Variants in MAN1C1 observed in about 807,000 individuals in gnomAD.
The protein encoded by MAN1C1 is mannosyl-oligosaccharide 1,2-alpha-mannosidase IC.
A neutral mutation model predicts 71.5 loss-of-function variants in MAN1C1; 49 were observed. That is an observed-to-expected ratio of 0.69 (90% CI 0.54 to 0.87). The LOEUF (loss-of-function observed/expected upper bound fraction) is 0.87, where lower values mean the gene tolerates loss of function less well. MAN1C1 is among the 40% of genes least tolerant of loss of function. MAN1C1 has a pLI of 0.00. For missense variants in MAN1C1, 743 were observed against 835.0 expected (o/e 0.89, Z 1.36); for synonymous variants, 352 against 343.7 (o/e 1.02, Z -0.27).
At chr1:25,727,116 A>G (rs1032743366) in intron 2 of MAN1C1, among the ~76,000 whole-genome samples, 1 of 152,176 alleles carries the variant, frequency 6.6e-6, no homozygotes, top group African/African-American at 2.4e-5. Flanking sequence ...TTAGACACAT[A>G]ACCATGATGA....
intron 1 of MAN1C1, among the ~76,000 whole-genome samples, chr1:25,664,646 G>A (rs527996888): frequency 3.9e-5 from 6 of 152,196 alleles, no homozygotes; most frequent in South Asian, 2.1e-4. Flanking sequence ...CAGGAATGAC[G>A]GAAGATTTCT....
intron 2 of MAN1C1, among the ~76,000 whole-genome samples, chr1:25,724,249 G>T (rs186050686): frequency 9.9e-5 from 15 of 152,072 alleles, no homozygotes; most frequent in African/African-American, 3.4e-4. Context: ...AGATGTTCTC[G>T]ATCTCCTGAT....
chr1:25,753,345 A>C lies in MAN1C1; in HGVS notation c.835-139A>C. 1.9e-6 allele frequency: 1 copy of C among 534,392 alleles called. No homozygotes were observed. The allele number at this position is 534,392 out of a possible 1,614,324, so 33.1% of individuals were successfully genotyped here. On this transcript the variant is annotated intron_variant, in intron 4 of 11. Transcript: ENST00000374332. This position sits in a 1 kb window ranked among gnomAD's most constrained non-coding sequence, Gnocchi z 4.9. The stretch of plus-strand genomic sequence containing the variant: ...GTCCACGTGGCCAGCAGTTGGAAGA[A>C]CCGGGCTGGTGGACTGCAGCACTGC...
intron 7 of MAN1C1, among the ~76,000 whole-genome samples, chr1:25,768,546 C>A (rs2047491842): frequency 1.0e-5 from 1 of 100,134 alleles, no homozygotes; most frequent in African/African-American, 3.6e-5. Context: ...CTCACACACA[C>A]CACACACACA....
intron 2 of MAN1C1, among the ~76,000 whole-genome samples, chr1:25,715,565 C>A (rs1013190186): frequency 2.0e-5 from 3 of 152,224 alleles, no homozygotes; most frequent in Admixed American, 2.0e-4. Context: ...AGGCTCTGCC[C>A]TCAGAGAGCA....
chr1:25,655,955 G>C (rs2124083796), intron 1 of MAN1C1, among the ~76,000 whole-genome samples: 1 of 152,066 alleles, frequency 6.6e-6, no homozygotes, highest in East Asian at 1.9e-4. Context: ...CCTGGACTGG[G>C]GGTGCTCAGG....
intron 5 of MAN1C1, among the ~76,000 whole-genome samples, chr1:25,756,599 CAGTT>C (rs962641974): frequency 9.9e-5 from 15 of 152,168 alleles, no homozygotes; most frequent in African/African-American, 2.4e-4. Flanking sequence ...AGAGAAGTCT[CAGTT>C]AGCCTTGGGG....
At chr1:25,757,772 C>A (rs1473299473) in intron 5 of MAN1C1, among the ~76,000 whole-genome samples, 3 of 152,234 alleles carry the variant, frequency 2.0e-5, no homozygotes, top group Admixed American at 2.0e-4. Flanking sequence ...TCCTTGTTCC[C>A]TATCCTATGA....
intron 1 of MAN1C1, among the ~76,000 whole-genome samples, chr1:25,655,023 C>T (rs2045744890): frequency 6.6e-6 from 1 of 152,152 alleles, no homozygotes; most frequent in Non-Finnish European, 1.5e-5. Context: ...ATTGAAGTGG[C>T]TTAAAACAAA....
At chr1:25,619,958 A>C (rs2045181252) in intron 1 of MAN1C1, among the ~76,000 whole-genome samples, 1 of 152,188 alleles carries the variant, frequency 6.6e-6, no homozygotes, top group Non-Finnish European at 1.5e-5. Flanking sequence ...GATCCCCCAA[A>C]GGATTAAGAA....
intron 2 of MAN1C1, among the ~76,000 whole-genome samples, chr1:25,728,599 A>C (rs2046866497): frequency 1.3e-5 from 2 of 152,166 alleles, no homozygotes; most frequent in Admixed American, 6.5e-5. Flanking sequence ...TCAGGCACTC[A>C]GGGTGATGGA....
At chr1:25,727,933 T>A (rs2046854917) in intron 2 of MAN1C1, among the ~76,000 whole-genome samples, 1 of 152,186 alleles carries the variant, frequency 6.6e-6, no homozygotes, top group African/African-American at 2.4e-5. Context: ...GATAACACAG[T>A]CTACCTGCCA....
rs1010630852 is a variant in MAN1C1 at position 25,631,300 on chromosome 1, G to A, written c.540+12963G>A. Among the ~76,000 whole-genome samples the A allele has an allele frequency of 6.6e-6, 1 of 152,092 alleles. No individual in the cohort carries two copies. Among genetic ancestry groups the A allele is most frequent in the Non-Finnish European group, 1.5e-5 (1 of 68,020 alleles). On this transcript the variant is annotated intron_variant, in intron 1 of 11. Coordinates refer to ENST00000374332, the MANE Select transcript of MAN1C1 (RefSeq NM_020379.4). The surrounding 1 kb of genome is among the most constrained non-coding windows in gnomAD (Gnocchi z 4.2). ...ATGTTTAATAGAAGTAGTGAAAGTC[G>A]GCATCCTTGTCTTGTTCCAGTTCTT...
In MAN1C1 at chr1:25,634,048, A is replaced by G. The variant is rs995833399; in HGVS notation, c.540+15711A>G. On this transcript the variant is annotated intron_variant, in intron 1 of 11. Transcript: ENST00000374332. This position sits in a 1 kb window ranked among gnomAD's most constrained non-coding sequence, Gnocchi z 4.6. The stretch of plus-strand genomic sequence containing the variant: ...TTGTTTGTTGCCAGTACATAGAAAT[A>G]TAATAGGGTTTTTTCTGTATATTGA... Among the ~76,000 whole-genome samples the G allele has an allele frequency of 2.0e-5, 3 of 152,188 alleles. No individual in the cohort carries two copies. The highest frequency in any genetic ancestry group is 2.9e-5 in the Non-Finnish European group (2 of 68,034).
At chr1:25,768,686 C>T (rs1319586727) in intron 7 of MAN1C1, among the ~76,000 whole-genome samples, 7 of 129,744 alleles carry the variant, frequency 5.4e-5, no homozygotes, top group Admixed American at 4.5e-4. Flanking sequence ...CATACATCCA[C>T]GCTCCCTTAA....
In MAN1C1 at chr1:25,783,771, A is replaced by G. The variant is rs1229429754; in HGVS notation, c.1875A>G (p.Arg625=). 20 of 1,611,536 alleles carry G rather than the reference A, an allele frequency of 1.2e-5. No individual in the cohort carries two copies. The highest frequency in any genetic ancestry group is 1.6e-5 in the Non-Finnish European group (19 of 1,179,992). ...LPVNHSDSSG[R]AWGRH ...TGAACCACTCAGACAGCTCCGGCAG[A>G]GCCTGGGGCAGACACTGACCCCATC... is the stretch of plus-strand genomic sequence containing the variant. The change falls in exon 12 of 12, where the codon AGA becomes AGG. Residue 625 remains arginine, a synonymous_variant. Coordinates refer to ENST00000374332, the MANE Select transcript of MAN1C1 (RefSeq NM_020379.4).
rs976517411 is a variant in MAN1C1 at position 25,778,861 on chromosome 1, A to G, written c.1477+537A>G. ...GAGAGCTTGGTCCTCCCCACCCACCACTCACCACTGAATTGTCCGATGCTA... is the reference window on the plus strand; with the variant it reads ...GAGAGCTTGGTCCTCCCCACCCACCGCTCACCACTGAATTGTCCGATGCTA... On this transcript the variant is annotated intron_variant, in intron 9 of 11. Coordinates refer to ENST00000374332, the MANE Select transcript of MAN1C1 (RefSeq NM_020379.4). The surrounding 1 kb of genome is among the most constrained non-coding windows in gnomAD (Gnocchi z 5.5). Among the ~76,000 whole-genome samples, 2 of 151,490 alleles carry G rather than the reference A, an allele frequency of 1.3e-5. No homozygotes were observed. The highest frequency in any genetic ancestry group is 4.9e-5 in the African/African-American group (2 of 41,178).
Position 25,769,390 on chromosome 1 carries a change from T to TACAC in MAN1C1, c.1142-2251_1142-2248dup, listed in dbSNP as rs71004538. 0.026 allele frequency among the ~76,000 whole-genome samples: 3,893 copies of TACAC among 148,632 alleles called. 149 individuals are homozygous for TACAC. The highest frequency in any genetic ancestry group is 0.086 in the African/African-American group (3,485 of 40,494). ...ACTCACCCCACACCCCATACATACATACACACACACACACACACAAGCTGT... is the reference window on the plus strand; with the variant it reads ...ACTCACCCCACACCCCATACATACATACACACACACACACACACACACAAGCTGT... On this transcript the variant is annotated intron_variant, in intron 7 of 11. Transcript: ENST00000374332. The surrounding 1 kb of genome is among the most constrained non-coding windows in gnomAD (Gnocchi z 4.8).
rs1325470001 is a variant in MAN1C1 at position 25,779,567 on chromosome 1, C to T, written c.1477+1243C>T. ...GACTAATAAAAGGCTCGCTATTTGT[C>T]TGAGACAATCAGCCCAGACCATAAA... On this transcript the variant is annotated intron_variant, in intron 9 of 11. Transcript: ENST00000374332. The surrounding 1 kb of genome is among the most constrained non-coding windows in gnomAD (Gnocchi z 4.6). Among the ~76,000 whole-genome samples the T allele has an allele frequency of 1.3e-5, 2 of 152,216 alleles. No individual in the cohort carries two copies. The highest frequency in any genetic ancestry group is 4.8e-5 in the African/African-American group (2 of 41,452).
Sources: allele counts gnomAD v4.1 joint callset (sites outside exome capture counted in the v4.1 genomes callset), GRCh38; gene constraint gnomAD v4.1.1; non-coding constraint Gnocchi (gnomAD v3.1); transcripts MANE v1.5; gene names NCBI Gene and HGNC (gene_info 2026-07-23, HGNC 2026-07-21).